Variants in CSMD1 observed in about 807,000 individuals in gnomAD.
CSMD1 encodes CUB and Sushi multiple domains 1.
In CSMD1, 213 loss-of-function variants were observed where a neutral mutation model predicts 417.5. The observed-to-expected ratio is 0.51, with a 90% CI of 0.46 to 0.57. CSMD1 has a LOEUF of 0.57. CSMD1 is among the 20% of genes least tolerant of loss of function. The pLI is 0.00. For missense variants in CSMD1, 6,923 were observed against 4,529.7 expected, an observed-to-expected ratio of 1.53 and a Z score of -15.17; for synonymous variants, 2,862 against 1,736.8, an observed-to-expected ratio of 1.65 and a Z score of -16.11.
At chr8:4,424,601 G>T (rs1193153791) in intron 2 of CSMD1, among the ~76,000 whole-genome samples, 1 of 152,034 alleles carries the variant, frequency 6.6e-6, no homozygotes, top group African/African-American at 2.4e-5. Context: ...ACTGCTGGTG[G>T]AAATATAAAA....
chr8:3,313,978 G>C (rs1294880807), intron 23 of CSMD1, among the ~76,000 whole-genome samples: 1 of 152,198 alleles, frequency 6.6e-6, no homozygotes, highest in African/African-American at 2.4e-5. Flanking sequence ...TAGGGACATG[G>C]ATGAAGCTGG....
chr8:4,556,031 A>G (rs1798072673), intron 2 of CSMD1, among the ~76,000 whole-genome samples: 1 of 152,062 alleles, frequency 6.6e-6, no homozygotes, highest in African/African-American at 2.4e-5. Flanking sequence ...CTTATACTCA[A>G]TGAATTAAAT....
chr8:4,488,237 G>A (rs1801514484), intron 2 of CSMD1, among the ~76,000 whole-genome samples: 1 of 152,150 alleles, frequency 6.6e-6, no homozygotes, highest in Non-Finnish European at 1.5e-5. Flanking sequence ...TGTTACAGCA[G>A]CTCAAAATGA....
At chr8:4,663,508 T>G (rs912510238) in intron 1 of CSMD1, among the ~76,000 whole-genome samples, 1 of 152,156 alleles carries the variant, frequency 6.6e-6, no homozygotes, top group African/African-American at 2.4e-5. Flanking sequence ...GATATTCCCC[T>G]TGCTGTTGTC....
At chr8:3,349,807 A>C (rs1467612946) in intron 21 of CSMD1, among the ~76,000 whole-genome samples, 12 of 144,930 alleles carry the variant, frequency 8.3e-5, no homozygotes, top group Non-Finnish European at 1.2e-4. Flanking sequence ...ATAAATAGAT[A>C]TAAATATACA....
intron 1 of CSMD1, among the ~76,000 whole-genome samples, chr8:4,871,316 G>T (rs1169155120): frequency 6.6e-6 from 1 of 152,044 alleles, no homozygotes; most frequent in South Asian, 2.1e-4. Flanking sequence ...TTCTTTCACG[G>T]ATTTAGATTT....
chr8:4,207,922 T>C (rs1413316213), intron 3 of CSMD1, among the ~76,000 whole-genome samples: 2 of 152,118 alleles, frequency 1.3e-5, no homozygotes, highest in Non-Finnish European at 2.9e-5. Context: ...TTATATTAAA[T>C]AGTCTATTTC....
At chr8:3,158,929 T>A (rs1467438169) in intron 38 of CSMD1, among the ~76,000 whole-genome samples, 1 of 152,212 alleles carries the variant, frequency 6.6e-6, no homozygotes, top group East Asian at 1.9e-4. Context: ...CAGTTATCAA[T>A]GGCAAACCGA....
chr8:3,966,439 C>A (rs947510057), intron 5 of CSMD1, among the ~76,000 whole-genome samples: 4 of 151,866 alleles, frequency 2.6e-5, no homozygotes, highest in Non-Finnish European at 4.4e-5. Flanking sequence ...TATATAATTA[C>A]CTACATATAT....
chr8:3,337,898 ACC>A (rs1164074767), intron 23 of CSMD1, among the ~76,000 whole-genome samples: 2 of 151,952 alleles, frequency 1.3e-5, no homozygotes, highest in Non-Finnish European at 1.5e-5. Flanking sequence ...CTGCCAATAT[ACC>A]CTGGCCAGGA....
At chr8:4,639,381 T>G (rs1803056772) in intron 1 of CSMD1, among the ~76,000 whole-genome samples, 1 of 151,836 alleles carries the variant, frequency 6.6e-6, no homozygotes, top group South Asian at 2.1e-4. Flanking sequence ...GTTGGAAGTG[T>G]GCTCTCATAA....
In CSMD1 at chr8:4,891,425, T is replaced by C. The variant is rs114184206; in HGVS notation, c.85+102907A>G. Among the ~76,000 whole-genome samples the C allele has an allele frequency of 2.2e-3, 341 of 152,284 alleles. 5 individuals are homozygous for C. The highest frequency in any genetic ancestry group is 7.9e-3 in the African/African-American group (330 of 41,522). ...GTACATTGAGCTTTCATTCCTCTGA[T>C]ACATGCTACTGTGTGTGAACCTAAT... On this transcript the variant is annotated intron_variant, in intron 1 of 69. Coordinates refer to ENST00000635120, the MANE Select transcript of CSMD1 (RefSeq NM_033225.6).
intron 2 of CSMD1, among the ~76,000 whole-genome samples, chr8:4,541,971 C>A (rs1156570968): frequency 6.6e-6 from 1 of 152,102 alleles, no homozygotes. Context: ...GCCTGACTGA[C>A]CTCAGATGTG....
chr8:4,468,271 C>T lies in CSMD1; in HGVS notation c.303-48206G>A, dbSNP rs375293855. ...CTGACTTCTGAGACTCCTGACCCCA[C>T]CTTCACCCAAGGAACTTGAGAAAGT... On this transcript the variant is annotated intron_variant, in intron 2 of 69. Coordinates refer to ENST00000635120, the MANE Select transcript of CSMD1 (RefSeq NM_033225.6). Among the ~76,000 whole-genome samples the T allele has an allele frequency of 5.3e-5, 8 of 152,180 alleles. No individual in the cohort carries two copies. The East Asian group carries it at 1.2e-3, about 22-fold the overall frequency.
At chr8:4,195,528 T>C (rs1328324588) in intron 3 of CSMD1, among the ~76,000 whole-genome samples, 2 of 152,174 alleles carry the variant, frequency 1.3e-5, no homozygotes, top group Non-Finnish European at 2.9e-5. Context: ...TGCTCTTGAC[T>C]GTGAGAAAGA....
intron 12 of CSMD1, among the ~76,000 whole-genome samples, chr8:3,463,658 G>T (rs1180916466): frequency 6.6e-6 from 1 of 152,220 alleles, no homozygotes; most frequent in Non-Finnish European, 1.5e-5. Context: ...TGCCGTCATT[G>T]CACTTGGACG....
intron 1 of CSMD1, among the ~76,000 whole-genome samples, chr8:4,813,006 C>T (rs1798997535): frequency 6.6e-6 from 1 of 152,150 alleles, no homozygotes. Flanking sequence ...TGTTAAAACT[C>T]ACACCAACAC....
At chr8:4,255,330 A>G (rs971466665) in intron 3 of CSMD1, among the ~76,000 whole-genome samples, 6 of 152,210 alleles carry the variant, frequency 3.9e-5, no homozygotes, top group African/African-American at 1.4e-4. Context: ...GGAGCTGTTA[A>G]TATCTGCAGT....
At chr8:4,435,500 G>C (rs551224596) in intron 2 of CSMD1, among the ~76,000 whole-genome samples, 2 of 152,156 alleles carry the variant, frequency 1.3e-5, no homozygotes, top group Non-Finnish European at 2.9e-5. Flanking sequence ...GATATGATTT[G>C]TCCAGGAAAA....
Sources: gnomAD v4.1 joint callset for allele counts (sites outside exome capture counted in the v4.1 genomes callset) on GRCh38, gnomAD v4.1.1 for gene constraint, MANE v1.5 for transcripts, NCBI Gene and HGNC (gene_info 2026-07-23, HGNC 2026-07-21) for gene names.